The following SUCO variants were observed in gnomAD, a reference collection of about 807,000 sequenced individuals.
SUCO encodes the protein SUN domain-containing ossification factor.
A neutral mutation model predicts 148.1 loss-of-function variants in SUCO; 57 were observed. The ratio of observed to expected loss-of-function variants is 0.38; its 90% CI spans 0.31 to 0.48. The LOEUF (loss-of-function observed/expected upper bound fraction) is 0.48. Among genes scored for constraint, SUCO ranks in the 20% least tolerant of loss-of-function variants. The probability of loss-of-function intolerance (pLI) is 0.96; values close to 1 mark genes in which losing one functional copy is unlikely to be tolerated. For synonymous variants in SUCO, 470 were observed against 502.7 expected (o/e 0.93, Z 0.87); for missense variants, 1,331 against 1,468.2 (o/e 0.91, Z 1.53).
rs1008534098 is a variant in SUCO at position 172,570,731 on chromosome 1, G to A, written c.1049+1G>A. On this transcript the variant is annotated splice_donor_variant, in intron 9 of 23. Coordinates refer to ENST00000263688, the MANE Select transcript of SUCO (RefSeq NM_014283.5). LOFTEE classifies it high-confidence loss of function. ...TGAATCCTTGCAGCACTAAAATTTG[G>A]TGAGTTATACACAATTTTAAAAAGT... is the stretch of plus-strand genomic sequence containing the variant. The A allele has an allele frequency of 6.3e-7, 1 of 1,592,310 alleles. No homozygotes were observed. The highest frequency in any genetic ancestry group is 8.6e-7 in the Non-Finnish European group (1 of 1,161,340).
chr1:172,611,460 G>GT lies in SUCO; in HGVS notation c.*1204dup, dbSNP rs1658208883. The GT allele has an allele frequency of 1.3e-5, 2 of 152,746 alleles. No individual in the cohort carries two copies. Among genetic ancestry groups the GT allele is most frequent in the East Asian group, 3.9e-4 (2 of 5,184 alleles). The allele number at this position is 152,746 out of a possible 1,614,324, so 9.5% of individuals were successfully genotyped here. A position where few individuals can be genotyped will look rare whatever the true frequency, so the allele number is the denominator to read the frequency against. On this transcript the variant is annotated 3_prime_UTR_variant, in exon 24 of 24. Coordinates refer to ENST00000263688, the MANE Select transcript of SUCO (RefSeq NM_014283.5). ...AGAATTGACCATTTATTGTTGTGATGTTTAAGTTATAACTTATTGAGCACT... is the reference window on the plus strand; with the variant it reads ...AGAATTGACCATTTATTGTTGTGATGTTTTAAGTTATAACTTATTGAGCACT...
At chr1:172,583,002 T>C (rs1477958098) in intron 15 of SUCO, among the ~76,000 whole-genome samples, 2 of 152,144 alleles carry the variant, frequency 1.3e-5, no homozygotes, top group Admixed American at 1.3e-4. Context: ...AAATTCGAAA[T>C]CTCATATAAG....
chr1:172,586,636 C>T (rs1273272867), intron 17 of SUCO, among the ~76,000 whole-genome samples: 1 of 152,078 alleles, frequency 6.6e-6, no homozygotes, highest in Non-Finnish European at 1.5e-5. Flanking sequence ...ATTAGATACA[C>T]TCCCTACAAA....
rs2149266666 is a variant in SUCO, at chr1:172,596,929, G to A, written c.2914-3135G>A. On this transcript the variant is annotated intron_variant, in intron 19 of 23. Coordinates refer to ENST00000263688, the MANE Select transcript of SUCO (RefSeq NM_014283.5). ...GGCAGGCCTCCTTGAGCTGCGCTGG[G>A]CTCCACCCAGTTCGAGCTTCCTGGC... Among the ~76,000 whole-genome samples, 3 of 152,328 alleles carry A rather than the reference G, an allele frequency of 2.0e-5. 1 individual carries two copies. Among genetic ancestry groups the A allele is most frequent in the Middle Eastern group, 6.8e-3 (2 of 294 alleles).
At chr1:172,546,576 G>A (rs1652877187) in intron 1 of SUCO, among the ~76,000 whole-genome samples, 1 of 152,118 alleles carries the variant, frequency 6.6e-6, no homozygotes, top group African/African-American at 2.4e-5. Flanking sequence ...TTAACCCCCG[G>A]TCCCTCACTT....
chr1:172,610,030 G>A lies in SUCO; in HGVS notation c.3536G>A (p.Cys1179Tyr), dbSNP rs202099419. ...TSSQSEESYF[C>Y]GISACTSLCN... ...TCACAGTCAGAAGAGTCCTATTTTT[G>A]TGGCATTTCAGCTTGCACAAGTCTG... Residue 1179 changes from cysteine to tyrosine, a missense_variant, in exon 24 of 24, where the codon TGT (cysteine) becomes TAT (tyrosine). Around this residue, in one of 3 missense-constraint regions of SUCO, gnomAD observed 334 missense variants for 352.3 expected, o/e 0.95. Coordinates refer to ENST00000263688, the MANE Select transcript of SUCO (RefSeq NM_014283.5). 6.2e-7 allele frequency: 1 copy of A among 1,613,928 alleles called. No homozygotes were observed. Among genetic ancestry groups the A allele is most frequent in the South Asian group, 1.1e-5 (1 of 91,080 alleles).
intron 22 of SUCO, chr1:172,603,245 T>C (rs1469802020): frequency 6.4e-6 from 1 of 155,370 alleles, no homozygotes; most frequent in African/African-American, 2.4e-5. Flanking sequence ...ATAATTAGGT[T>C]CCATTGTCTA....
chr1:172,564,672 A>G (rs1654430588), intron 6 of SUCO, among the ~76,000 whole-genome samples: 1 of 152,052 alleles, frequency 6.6e-6, no homozygotes, highest in African/African-American at 2.4e-5. Flanking sequence ...GAATGGACTA[A>G]TACGTTGTCC....
intron 1 of SUCO, among the ~76,000 whole-genome samples, chr1:172,539,890 G>T (rs979603980): frequency 2.6e-5 from 4 of 152,180 alleles, no homozygotes; most frequent in African/African-American, 9.7e-5. Context: ...TGAGACTTGA[G>T]CTCTGTATAT....
Position 172,557,766 on chromosome 1 carries a change from T to C in SUCO, c.704T>C (p.Leu235Ser), listed in dbSNP as rs1653858301. 6.2e-7 allele frequency: 1 copy of C among 1,602,208 alleles called. No individual in the cohort carries two copies. The highest frequency in any genetic ancestry group is 1.8e-5 in the Admixed American group (1 of 56,202). ...GGCGGTGGTGATCCAAAATCTGCAT[T>C]GAATGCTTCAGATAATTTAAAAAAT... ...EQGGGDPKSALNASDNLKNES... is the reference protein window; with the variant it reads ...EQGGGDPKSASNASDNLKNES... Residue 235 changes from leucine to serine, a missense_variant, in exon 6 of 24, where the codon TTG becomes TCG. By Grantham distance (145) the Leu-to-Ser change is moderately radical. Around this residue, in one of 3 missense-constraint regions of SUCO, gnomAD observed 992 missense variants for 1,093.5 expected, o/e 0.91. Coordinates refer to ENST00000263688, the MANE Select transcript of SUCO (RefSeq NM_014283.5).
In SUCO at chr1:172,574,230, T is replaced by A. The variant is rs147434155; in HGVS notation, c.1157+232T>A. 4.2e-3 allele frequency among the ~76,000 whole-genome samples: 633 copies of A among 152,228 alleles called. 4 individuals carry two copies. Among genetic ancestry groups the A allele is most frequent in the South Asian group, 0.018 (87 of 4,830 alleles). ...ACCATATGATATTATTCTCTTATAATGTGGGGAAACAGAAAAGGGGAGATT... is the reference window on the plus strand; with the variant it reads ...ACCATATGATATTATTCTCTTATAAAGTGGGGAAACAGAAAAGGGGAGATT... On this transcript the variant is annotated intron_variant, in intron 10 of 23. Transcript: ENST00000263688.
chr1:172,578,788 C>T (rs1655652746), intron 14 of SUCO, among the ~76,000 whole-genome samples: 2 of 151,932 alleles, frequency 1.3e-5, no homozygotes, highest in East Asian at 1.9e-4. Context: ...TTGAGAAATC[C>T]TGTGACTCTA....
At chr1:172,603,320 G>A (rs1157719147) in intron 22 of SUCO, 2 of 151,898 alleles carry the variant, frequency 1.3e-5, no homozygotes, top group Non-Finnish European at 2.9e-5. Context: ...TCCTATTTCA[G>A]TATCTTGTAA....
intron 8 of SUCO, 32 bp from the exon 9 acceptor site, chr1:172,570,627 TTAAG>T (rs775134455): frequency 2.2e-6 from 3 of 1,334,672 alleles, no homozygotes; most frequent in Non-Finnish European, 2.1e-6. Flanking sequence ...TCATTATTCC[TTAAG>T]TAATTTGTTT....
At chr1:172,549,203 CATA>C (rs1653095243) in intron 1 of SUCO, among the ~76,000 whole-genome samples, 1 of 151,806 alleles carries the variant, frequency 6.6e-6, no homozygotes, top group African/African-American at 2.4e-5. Context: ...TGTTTCCTAA[CATA>C]ATAATTGGTA....
chr1:172,576,082 T>G (rs1217984432), intron 11 of SUCO, among the ~76,000 whole-genome samples: 1 of 151,858 alleles, frequency 6.6e-6, no homozygotes, highest in African/African-American at 2.4e-5. Context: ...AAATGAAATA[T>G]TCTGTGTCCA....
chr1:172,579,783 C>T (rs1655739665), intron 15 of SUCO, among the ~76,000 whole-genome samples: 1 of 152,042 alleles, frequency 6.6e-6, no homozygotes, highest in South Asian at 2.1e-4. Context: ...GGTAGGCTCA[C>T]TAAGGAGACT....
Position 172,572,696 on chromosome 1 carries a change from TAAAAAAAAAAAAAAAA to T in SUCO, c.1050-1180_1050-1165del, listed in dbSNP as rs61248782. 6.3e-3 allele frequency among the ~76,000 whole-genome samples: 315 copies of T among 49,622 alleles called. 4 individuals are homozygous for T. The highest frequency in any genetic ancestry group is 0.022 in the African/African-American group (307 of 13,896). 32.6% of individuals were successfully genotyped at this position (49,622 alleles called of 152,430 possible). A position where few individuals can be genotyped will look rare whatever the true frequency, so the allele number is the denominator to read the frequency against. On this transcript the variant is annotated intron_variant, in intron 9 of 23. Transcript: ENST00000263688. The stretch of plus-strand genomic sequence containing the variant: ...GTGAGAAACACCCAAGAATGATCAA[TAAAAAAAAAAAAAAAA>T]AAAAAAAAAAAAAAGAATAAGGGGG...
In SUCO at chr1:172,610,218, G is replaced by A. The variant is rs748073320; in HGVS notation, c.3724G>A (p.Val1242Met). Reference protein sequence around the residue: ...DIIKGNKEITVGTFGVTAVSG... With the variant: ...DIIKGNKEITMGTFGVTAVSG... Reference sequence around the variant, plus strand: ...AATCAAAGGAAACAAAGAGATCACCGTGGGAACATTTGGTGTTACAGCAGT... The same window carrying A: ...AATCAAAGGAAACAAAGAGATCACCATGGGAACATTTGGTGTTACAGCAGT... Residue 1242 changes from valine to methionine, a missense_variant, in exon 24 of 24, where the codon GTG becomes ATG. This residue lies in a region of SUCO where 334 missense variants were observed against 352.3 expected (regional missense o/e 0.95). Coordinates refer to ENST00000263688, the MANE Select transcript of SUCO (RefSeq NM_014283.5). 21 of 1,608,280 alleles carry A rather than the reference G, an allele frequency of 1.3e-5. No individual in the cohort carries two copies. The highest frequency in any genetic ancestry group is 2.7e-5 in the African/African-American group (2 of 74,442).
Sources: allele counts gnomAD v4.1 joint callset (sites outside exome capture counted in the v4.1 genomes callset), GRCh38; gene constraint gnomAD v4.1.1; regional missense constraint gnomAD v4.1.1; transcripts MANE v1.5; gene names NCBI Gene and HGNC (gene_info 2026-07-23, HGNC 2026-07-21).